SAXO1: variants seen among roughly 807,000 people sequenced by gnomAD.
SAXO1 encodes the protein stabilizer of axonemal microtubules 1.
SAXO1 carries 21 observed loss-of-function variants against 17.5 expected under a neutral mutation model. The ratio of observed to expected loss-of-function variants is 1.20; its 90% CI spans 0.85 to 1.72. SAXO1 has a LOEUF of 1.72. Ranked by LOEUF, SAXO1 falls within the 40% of genes most tolerant of loss-of-function variation. SAXO1 has a pLI of 0.00. For missense variants in SAXO1, 843 were observed against 596.0 expected (o/e 1.41, Z -4.32); for synonymous variants, 274 against 216.5 (o/e 1.27, Z -2.33).
chr9:19,029,646 C>T (rs1191164806), intron 1 of SAXO1, among the ~76,000 whole-genome samples: 1 of 152,138 alleles, frequency 6.6e-6, no homozygotes, highest in Middle Eastern at 3.2e-3. Context: ...CAGTGTTGTC[C>T]AACAGAACTT....
At chr9:19,027,850 C>T in intron 1 of SAXO1, 2 of 1,399,314 alleles carry the variant, frequency 1.4e-6, no homozygotes, top group Non-Finnish European at 2.0e-6. Flanking sequence ...ACATCCTGGA[C>T]CCCGCCCTGC....
At chr9:19,027,711 C>A (rs935647462) in intron 1 of SAXO1, 1 of 1,381,454 alleles carries the variant, frequency 7.2e-7, no homozygotes, top group African/African-American at 1.4e-5. Context: ...GCCATAGGCA[C>A]CAAGCACTTT....
chr9:19,019,456 G>A (rs1312455904), intron 1 of SAXO1, among the ~76,000 whole-genome samples: 1 of 151,902 alleles, frequency 6.6e-6, no homozygotes, highest in Non-Finnish European at 1.5e-5. Context: ...GGCCGGACAA[G>A]GTTGGCTCAC....
intron 1 of SAXO1, chr9:19,028,046 G>A (rs1835581682): frequency 6.2e-7 from 1 of 1,611,260 alleles, no homozygotes; most frequent in African/African-American, 1.3e-5. Context: ...CTGCGCAGGG[G>A]TGCCACGGAG....
chr9:19,045,398 T>C (rs897841091), intron 1 of SAXO1, among the ~76,000 whole-genome samples: 2 of 149,730 alleles, frequency 1.3e-5, no homozygotes, highest in East Asian at 2.0e-4. Flanking sequence ...AGCTGGGCAA[T>C]TGTCCGTCTC....
At chr9:18,948,369 C>A (rs1194094935) in intron 2 of SAXO1, among the ~76,000 whole-genome samples, 1 of 152,164 alleles carries the variant, frequency 6.6e-6, no homozygotes, top group Non-Finnish European at 1.5e-5. Context: ...ATATCTGCTC[C>A]TTTTCCTCCC....
At position 18,942,210 on chromosome 9, in the gene SAXO1, T is replaced by C. The variant is rs113134374; in HGVS notation, c.219-371A>G. 2.9e-3 allele frequency among the ~76,000 whole-genome samples: 443 copies of C among 152,328 alleles called. 2 individuals carry two copies. The highest frequency in any genetic ancestry group is 9.7e-3 in the African/African-American group (405 of 41,584). ...TCCTACCACTTCTATTCAATCACCATAATGTGGCCAGAATAAACTCTCTAA... is the reference window on the plus strand; with the variant it reads ...TCCTACCACTTCTATTCAATCACCACAATGTGGCCAGAATAAACTCTCTAA... On this transcript the variant is annotated intron_variant, in intron 2 of 3. Transcript: ENST00000380534.
At chr9:19,014,477 AGT>A (rs1834886065) in intron 1 of SAXO1, among the ~76,000 whole-genome samples, 3 of 149,700 alleles carry the variant, frequency 2.0e-5, no homozygotes, top group East Asian at 2.0e-4. Flanking sequence ...AAAAAAAAAA[AGT>A]TAATTAATTA....
chr9:18,947,572 C>T (rs1285297029), intron 2 of SAXO1: 1 of 152,208 alleles, frequency 6.6e-6, no homozygotes, highest in Non-Finnish European at 1.5e-5. Context: ...GCTCATTTTG[C>T]CCATCTTTAG....
rs181389187 is a variant in SAXO1, at chr9:19,000,549, G to A, written c.38+32322C>T. Among the ~76,000 whole-genome samples the A allele has an allele frequency of 1.0e-3, 154 of 152,182 alleles. 1 individual carries two copies. The highest frequency in any genetic ancestry group is 1.7e-3 in the Non-Finnish European group (114 of 68,016). ...CAGCTGCCCCCCTCTAGGAAATGAGGAGCACCTCTGCCCATACGCCCCACC... is the reference window on the plus strand; with the variant it reads ...CAGCTGCCCCCCTCTAGGAAATGAGAAGCACCTCTGCCCATACGCCCCACC... On this transcript the variant is annotated intron_variant, in intron 1 of 3. Transcript: ENST00000380534.
intron 1 of SAXO1, among the ~76,000 whole-genome samples, chr9:19,018,684 C>G (rs1365694229): frequency 6.6e-6 from 1 of 152,098 alleles, no homozygotes; most frequent in Non-Finnish European, 1.5e-5. Context: ...TAATACAGTA[C>G]CCAAAAGTTA....
rs754882464 is a variant in SAXO1 at position 18,928,707 on chromosome 9, G to T, written c.770C>A (p.Pro257His). Reference sequence around the variant, plus strand: ...GTCTAGCCCAGGAGGCCTGGCTAGAGGTTTCAAGCTCTTGGCAGGCTCCCC... The same window carrying T: ...GTCTAGCCCAGGAGGCCTGGCTAGATGTTTCAAGCTCTTGGCAGGCTCCCC... Reference protein sequence around the residue: ...LMGEPAKSLKPLARPPGLDMP... With the variant: ...LMGEPAKSLKHLARPPGLDMP... Residue 257 changes from proline (P) to histidine (H), a missense_variant, in exon 4 of 4, where the codon CCT becomes CAT. Coordinates refer to ENST00000380534, the MANE Select transcript of SAXO1 (RefSeq NM_153707.4). 7.4e-6 allele frequency: 12 copies of T among 1,614,026 alleles called. 1 individual carries two copies. In the South Asian group the frequency reaches 1.2e-4, roughly 16 times the overall value.
intron 1 of SAXO1, among the ~76,000 whole-genome samples, chr9:18,983,124 C>A (rs1833464797): frequency 6.6e-6 from 1 of 152,138 alleles, no homozygotes; most frequent in South Asian, 2.1e-4. Flanking sequence ...GTGTATTAGT[C>A]CATTTTCATA....
At chr9:19,017,199 G>C (rs951327914) in intron 1 of SAXO1, among the ~76,000 whole-genome samples, 10 of 152,138 alleles carry the variant, frequency 6.6e-5, no homozygotes, top group Non-Finnish European at 1.5e-4. Context: ...GAAAAAAAAA[G>C]ATCAATTGAT....
At chr9:19,011,059 T>C (rs1389502475) in intron 1 of SAXO1, among the ~76,000 whole-genome samples, 2 of 152,222 alleles carry the variant, frequency 1.3e-5, no homozygotes, top group East Asian at 1.9e-4. Context: ...GTATCCTGCA[T>C]TGCTTTCTAA....
chr9:19,040,180 T>C (rs1266634742), intron 1 of SAXO1, among the ~76,000 whole-genome samples: 2 of 152,206 alleles, frequency 1.3e-5, no homozygotes, highest in East Asian at 3.8e-4. Context: ...TACTTAACCA[T>C]TGTAATCCAA....
chr9:19,034,064 G>A (rs1835870888), upstream of SAXO1, among the ~76,000 whole-genome samples: 1 of 152,172 alleles, frequency 6.6e-6, no homozygotes, highest in African/African-American at 2.4e-5. Context: ...TGGTCATGAA[G>A]CAAGTTCAAA....
At chr9:19,019,194 T>A (rs1186599070) in intron 1 of SAXO1, among the ~76,000 whole-genome samples, 1 of 152,206 alleles carries the variant, frequency 6.6e-6, no homozygotes, top group Non-Finnish European at 1.5e-5. Flanking sequence ...TCATATCACA[T>A]GTACCCATAG....
chr9:18,969,759 T>G (rs764980835), intron 1 of SAXO1, among the ~76,000 whole-genome samples: 12 of 152,176 alleles, frequency 7.9e-5, no homozygotes, highest in Non-Finnish European at 1.6e-4. Flanking sequence ...TGCTACACAG[T>G]CTTATCTTAT....
Sources: allele counts gnomAD v4.1 joint callset (sites outside exome capture counted in the v4.1 genomes callset), GRCh38; gene constraint gnomAD v4.1.1; transcripts MANE v1.5; gene names NCBI Gene and HGNC (gene_info 2026-07-23, HGNC 2026-07-21).